The following LRRC9 variants were observed in gnomAD, a reference collection of about 807,000 sequenced individuals.
The protein encoded by LRRC9 is leucine rich repeat containing 9.
Under a neutral mutation model 63.2 loss-of-function variants are expected in LRRC9, and 122 were observed. The ratio of observed to expected loss-of-function variants is 1.93; its 90% confidence interval spans 1.67 to 2.24. LRRC9 has a LOEUF of 2.24. LRRC9 is among the 30% of genes most tolerant of loss of function. LRRC9 has a pLI of 0.00. For missense variants in LRRC9, 1,071 were observed against 627.7 expected (o/e 1.71, Z -7.55); for synonymous variants, 366 against 213.1 (o/e 1.72, Z -6.25).
chr14:60,039,243 G>T (rs219414), intron 29 of LRRC9, among the ~76,000 whole-genome samples: 113,491 of 152,100 alleles, frequency 0.75, 44,476 homozygotes, highest in Non-Finnish European at 0.87. Context: ...TTGTGTCTCT[G>T]CCAGGCTTTC....
At chr14:60,008,263 A>G (rs1397633959) in intron 23 of LRRC9, 49 bp downstream of exon 23, 3 of 647,918 alleles carry the variant, frequency 4.6e-6, no homozygotes, top group East Asian at 5.7e-5. Flanking sequence ...GCATAGTCAC[A>G]TATTTATAGG....
intron 8 of LRRC9, among the ~76,000 whole-genome samples, chr14:59,952,392 C>T (rs946742885): frequency 2.6e-5 from 4 of 152,162 alleles, no homozygotes; most frequent in Non-Finnish European, 4.4e-5. Context: ...GGCCTGCGCC[C>T]ACTGTCTGGC....
chr14:59,968,037 A>G (rs1485146011), intron 12 of LRRC9, among the ~76,000 whole-genome samples: 1 of 152,252 alleles, frequency 6.6e-6, no homozygotes, highest in Non-Finnish European at 1.5e-5. Context: ...ATGCATCAAC[A>G]GATGAATGGA....
At chr14:59,968,517 T>G (rs1409547642) in intron 12 of LRRC9, among the ~76,000 whole-genome samples, 2 of 151,956 alleles carry the variant, frequency 1.3e-5, no homozygotes, top group African/African-American at 4.8e-5. Context: ...TTGGTGGGAG[T>G]AGAAGCAGAT....
intron 10 of LRRC9, among the ~76,000 whole-genome samples, chr14:59,965,122 A>G (rs1220482694): frequency 6.6e-6 from 1 of 152,174 alleles, no homozygotes; most frequent in Non-Finnish European, 1.5e-5. Context: ...TTCCTTCTCA[A>G]AATGATCCGT....
At chr14:59,991,480 G>A (rs2140149134) in intron 17 of LRRC9, among the ~76,000 whole-genome samples, 1 of 152,244 alleles carries the variant, frequency 6.6e-6, no homozygotes, top group East Asian at 1.9e-4. Context: ...CAGAACAGTG[G>A]GTGCAGCACA....
intron 8 of LRRC9, among the ~76,000 whole-genome samples, chr14:59,959,555 A>T (rs1052965842): frequency 6.6e-6 from 1 of 152,196 alleles, no homozygotes; most frequent in Non-Finnish European, 1.5e-5. Context: ...GCTTATTTTC[A>T]ATTGGGAGAC....
chr14:60,050,079 C>A (rs1893761457), intron 29 of LRRC9, among the ~76,000 whole-genome samples: 2 of 151,652 alleles, frequency 1.3e-5, no homozygotes, highest in South Asian at 4.2e-4. Flanking sequence ...TCACTGCAAC[C>A]TCCACCTCCT....
At position 60,060,798 on chromosome 14, in the gene LRRC9, T is replaced by C. The variant is rs1017411164; in HGVS notation, c.4277-2525T>C. Reference sequence around the variant, plus strand: ...TCTGAGGGATATGGGCAAAGTAAATTGAAGACCTTCTGGAAAGGATTCACC... The same window carrying C: ...TCTGAGGGATATGGGCAAAGTAAATCGAAGACCTTCTGGAAAGGATTCACC... On this transcript the variant is annotated intron_variant, in intron 31 of 31. Coordinates refer to ENST00000445360, the Ensembl canonical transcript of LRRC9. This position sits in a 1 kb window ranked among gnomAD's most constrained non-coding sequence, Gnocchi z 4.0. Among the ~76,000 whole-genome samples the C allele has an allele frequency of 5.3e-5, 8 of 152,124 alleles. No homozygotes were observed. Among genetic ancestry groups the C allele is most frequent in the Non-Finnish European group, 1.0e-4 (7 of 68,018 alleles).
intron 20 of LRRC9, among the ~76,000 whole-genome samples, chr14:60,002,373 C>T (rs542853395): frequency 6.6e-6 from 1 of 152,258 alleles, no homozygotes; most frequent in Admixed American, 6.5e-5. Context: ...AAGTATTCGT[C>T]TTGCATAACT....
At chr14:59,978,428 C>T (rs529663814) in intron 15 of LRRC9, among the ~76,000 whole-genome samples, 1 of 152,256 alleles carries the variant, frequency 6.6e-6, no homozygotes, top group South Asian at 2.1e-4. Context: ...TCACTTTAAC[C>T]TCACTGCCAT....
chr14:60,026,926 T>A (rs2140310693), intron 27 of LRRC9, among the ~76,000 whole-genome samples: 1 of 152,192 alleles, frequency 6.6e-6, no homozygotes, highest in Non-Finnish European at 1.5e-5. Context: ...CCCAATGACC[T>A]CATTTAACCT....
At chr14:60,039,309 T>C (rs1286184641) in intron 29 of LRRC9, among the ~76,000 whole-genome samples, 2 of 152,212 alleles carry the variant, frequency 1.3e-5, no homozygotes, top group Non-Finnish European at 2.9e-5. Flanking sequence ...CCTCTTTTTC[T>C]ATTGATTGGA....
At chr14:60,052,195 C>T (rs529704532) in intron 29 of LRRC9, among the ~76,000 whole-genome samples, 52 of 152,242 alleles carry the variant, frequency 3.4e-4, no homozygotes, top group African/African-American at 1.2e-3. Context: ...ACACTGAGAC[C>T]ATTTACATTC....
intron 29 of LRRC9, among the ~76,000 whole-genome samples, chr14:60,045,172 C>T: frequency 6.7e-6 from 1 of 148,542 alleles, no homozygotes; most frequent in African/African-American, 2.5e-5. Context: ...ATATCTTTTT[C>T]CACCCCTTTC....
chr14:59,946,683 A>T (rs1242222511), intron 8 of LRRC9, among the ~76,000 whole-genome samples: 1 of 133,576 alleles, frequency 7.5e-6, no homozygotes, highest in African/African-American at 2.8e-5. Flanking sequence ...CAGTCCCCAG[A>T]GTGTGATATT....
intron 8 of LRRC9, among the ~76,000 whole-genome samples, chr14:59,948,339 G>T (rs1051848547): frequency 6.2e-5 from 9 of 144,598 alleles, no homozygotes; most frequent in African/African-American, 2.1e-4. Context: ...GAATGCTTGT[G>T]ATTTTTGTAC....
intron 22 of LRRC9, among the ~76,000 whole-genome samples, chr14:60,007,397 T>C (rs1056224027): frequency 1.2e-3 from 176 of 152,178 alleles, no homozygotes; most frequent in African/African-American, 4.2e-3. Flanking sequence ...TTTTCACCTC[T>C]CCCCTCCATA....
chr14:60,004,906 T>A lies in LRRC9; in HGVS notation c.2842+1108T>A, dbSNP rs893164892. On this transcript the variant is annotated intron_variant, in intron 21 of 31. Transcript: ENST00000445360. This position sits in a 1 kb window ranked among gnomAD's most constrained non-coding sequence, Gnocchi z 4.8. The stretch of plus-strand genomic sequence containing the variant: ...TACACACACACACACACACACACAC[T>A]TATCTGAATAAAGAATATTTCTGTA... 7.1e-6 allele frequency among the ~76,000 whole-genome samples: 1 copy of A among 141,410 alleles called. No individual in the cohort carries two copies. Among genetic ancestry groups the A allele is most frequent in the African/African-American group, 2.8e-5 (1 of 35,484 alleles). The allele number at this position is 141,410 out of a possible 152,430, so 92.8% of individuals were successfully genotyped here.
Sources: allele counts gnomAD v4.1 joint callset (sites outside exome capture counted in the v4.1 genomes callset), GRCh38; gene constraint gnomAD v4.1.1; non-coding constraint Gnocchi (gnomAD v3.1); transcripts MANE v1.5; gene names NCBI Gene and HGNC (gene_info 2026-07-23, HGNC 2026-07-21).